ADGRB3: variants seen among roughly 807,000 people sequenced by gnomAD.
The protein encoded by ADGRB3 is adhesion G protein-coupled receptor B3.
Under a neutral mutation model 193.4 loss-of-function variants are expected in ADGRB3, and 37 were observed. The ratio of observed to expected loss-of-function variants is 0.19; its 90% confidence interval spans 0.15 to 0.25. ADGRB3 has a LOEUF of 0.25. Ranked by LOEUF, ADGRB3 falls within the 10% of genes least tolerant of loss-of-function variation. The pLI, the probability that ADGRB3 is intolerant of heterozygous loss-of-function variation, is 1.00. For synonymous variants in ADGRB3, 690 were observed against 644.2 expected, an observed-to-expected ratio of 1.07 and a Z score of -1.08; for missense variants, 1,637 against 1,852.9, an observed-to-expected ratio of 0.88 and a Z score of 2.14.
intron 22 of ADGRB3, among the ~76,000 whole-genome samples, chr6:69,330,124 G>T (rs1768682447): frequency 6.6e-6 from 1 of 151,892 alleles, no homozygotes; most frequent in African/African-American, 2.4e-5. Flanking sequence ...AAATACACTG[G>T]TCTTGCTTTA....
At position 69,389,362 on chromosome 6, in the gene ADGRB3, G is replaced by A. The variant is rs1368045084; in HGVS notation, c.*471G>A. 4 of 152,884 alleles carry A rather than the reference G, an allele frequency of 2.6e-5. No homozygotes were observed. Among genetic ancestry groups the A allele is most frequent in the African/African-American group, 9.7e-5 (4 of 41,446 alleles). 9.5% of individuals were successfully genotyped at this position (152,884 alleles called of 1,614,324 possible). A position where few individuals can be genotyped will look rare whatever the true frequency, so the allele number is the denominator to read the frequency against. On this transcript the variant is annotated 3_prime_UTR_variant, in exon 32 of 32. Transcript: ENST00000370598. ...TCTTCATTGCTTTAAATGCAATAAA[G>A]TAATAATCTCACTTTTATATGAATA...
chr6:68,823,061 A>G (rs902465318), intron 3 of ADGRB3, among the ~76,000 whole-genome samples: 2 of 152,018 alleles, frequency 1.3e-5, no homozygotes, highest in Non-Finnish European at 2.9e-5. Flanking sequence ...ACAGGAAAGG[A>G]AGGAAAATTT....
chr6:68,710,182 A>G (rs1765386259), intron 3 of ADGRB3, among the ~76,000 whole-genome samples: 1 of 152,154 alleles, frequency 6.6e-6, no homozygotes, highest in African/African-American at 2.4e-5. Flanking sequence ...ATGCTTTTGT[A>G]GAAAAGTGTT....
chr6:68,930,590 A>C lies in ADGRB3; in HGVS notation c.789A>C (p.Lys263Asn). ...GAATGATGGGAGATCATACAATTAA[A>C]AGTCAGCGACCTCGATCTGTTCATG... ...EFGMMGDHTI[K>N]SQRPRSVHEK... Residue 263 changes from lysine (K) to asparagine (N), a missense_variant, in exon 4 of 32, where the codon AAA (lysine) becomes AAC (asparagine). By Grantham distance (94) the Lys-to-Asn change is moderately conservative (BLOSUM62 0). Coordinates refer to ENST00000370598, the MANE Select transcript of ADGRB3 (RefSeq NM_001704.3). 1 of 1,612,636 alleles carries C rather than the reference A, an allele frequency of 6.2e-7. No individual in the cohort carries two copies.
intron 31 of ADGRB3, among the ~76,000 whole-genome samples, chr6:69,383,377 G>A (rs1160559541): frequency 1.3e-5 from 2 of 151,844 alleles, no homozygotes; most frequent in Non-Finnish European, 2.9e-5. Flanking sequence ...TACTTATTTT[G>A]TGGTAAGAAT....
intron 18 of ADGRB3, among the ~76,000 whole-genome samples, chr6:69,234,730 G>A (rs1766223766): frequency 6.6e-6 from 1 of 152,114 alleles, no homozygotes; most frequent in South Asian, 2.1e-4. Flanking sequence ...ACATGTGAAT[G>A]TTGACCAAGT....
chr6:69,115,106 A>C (rs556865934), intron 17 of ADGRB3, among the ~76,000 whole-genome samples: 1 of 152,306 alleles, frequency 6.6e-6, no homozygotes, highest in South Asian at 2.1e-4. Flanking sequence ...TATATACCCA[A>C]AGGTTTATAA....
intron 3 of ADGRB3, among the ~76,000 whole-genome samples, chr6:68,912,691 C>T (rs938557734): frequency 1.3e-5 from 2 of 152,160 alleles, no homozygotes; most frequent in Non-Finnish European, 1.5e-5. Context: ...CTACAAAGGA[C>T]ATGAACTCAT....
intron 17 of ADGRB3, among the ~76,000 whole-genome samples, chr6:69,155,894 A>C (rs1304463824): frequency 6.6e-6 from 1 of 152,188 alleles, no homozygotes; most frequent in Non-Finnish European, 1.5e-5. Context: ...TAAAAGGCGA[A>C]CAAAAATTAG....
intron 20 of ADGRB3, among the ~76,000 whole-genome samples, chr6:69,252,012 T>C (rs958204413): frequency 6.6e-6 from 1 of 152,186 alleles, no homozygotes; most frequent in Non-Finnish European, 1.5e-5. Context: ...GATCAAGATA[T>C]GGAACGTTGT....
chr6:68,709,117 A>T (rs1765370785), intron 3 of ADGRB3, among the ~76,000 whole-genome samples: 1 of 152,208 alleles, frequency 6.6e-6, no homozygotes, highest in Non-Finnish European at 1.5e-5. Context: ...AATACCTTTC[A>T]ATTTAAAACA....
At chr6:68,941,251 A>G (rs546987478) in intron 5 of ADGRB3, among the ~76,000 whole-genome samples, 1 of 152,312 alleles carries the variant, frequency 6.6e-6, no homozygotes, top group Admixed American at 6.5e-5. Flanking sequence ...TATGAATAGC[A>G]TCTATAAACA....
intron 3 of ADGRB3, among the ~76,000 whole-genome samples, chr6:68,751,069 T>C (rs1259870484): frequency 4.6e-5 from 7 of 152,206 alleles, no homozygotes; most frequent in Non-Finnish European, 8.8e-5. Context: ...CTGCTGCTTC[T>C]GCAAATGTGG....
intron 17 of ADGRB3, among the ~76,000 whole-genome samples, chr6:69,199,469 G>A (rs1049131357): frequency 7.9e-5 from 12 of 152,014 alleles, no homozygotes; most frequent in African/African-American, 1.9e-4. Flanking sequence ...AGAGTTCCTG[G>A]TGTATGATCA....
intron 15 of ADGRB3, among the ~76,000 whole-genome samples, chr6:69,060,220 T>TCTCTCTCTCTCTCTC (rs1771697794): frequency 2.3e-5 from 3 of 129,634 alleles, no homozygotes; most frequent in East Asian, 2.3e-4. Context: ...CTCTCTCTCT[T>TCTCTCTCTCTCTCTC]TCTCTCTCTC....
intron 3 of ADGRB3, among the ~76,000 whole-genome samples, chr6:68,735,041 A>G (rs1199414794): frequency 6.6e-6 from 1 of 152,024 alleles, no homozygotes; most frequent in Non-Finnish European, 1.5e-5. Flanking sequence ...AAAATTTCTA[A>G]TATTATAATA....
chr6:68,649,286 A>G (rs1768289408), intron 3 of ADGRB3, among the ~76,000 whole-genome samples: 1 of 152,168 alleles, frequency 6.6e-6, no homozygotes, highest in Non-Finnish European at 1.5e-5. Flanking sequence ...CAAATATGTA[A>G]TGGGACCATC....
intron 20 of ADGRB3, among the ~76,000 whole-genome samples, chr6:69,297,404 C>CTA (rs1210023821): frequency 3.5e-5 from 5 of 144,904 alleles, no homozygotes; most frequent in Non-Finnish European, 6.1e-5. Context: ...CTCTCTCTCT[C>CTA]TCTCTCTATA....
intron 17 of ADGRB3, among the ~76,000 whole-genome samples, chr6:69,206,190 G>C (rs753958379): frequency 1.5e-4 from 23 of 151,480 alleles, no homozygotes; most frequent in Non-Finnish European, 3.2e-4. Flanking sequence ...CTTGGAGTCT[G>C]ATGTTTGAGG....
Sources: allele counts gnomAD v4.1 joint callset (sites outside exome capture counted in the v4.1 genomes callset), GRCh38; gene constraint gnomAD v4.1.1; transcripts MANE v1.5; gene names NCBI Gene and HGNC (gene_info 2026-07-23, HGNC 2026-07-21).